Variants in ATR observed in about 807,000 individuals in gnomAD.
ATR encodes the protein ATR checkpoint kinase, also known as serine/threonine-protein kinase ATR.
In ATR, 142 loss-of-function variants were observed where a neutral mutation model predicts 305.3. The observed-to-expected ratio is 0.47, with a 90% CI of 0.41 to 0.53. The LOEUF (loss-of-function observed/expected upper bound fraction) is 0.53. Ranked by LOEUF, ATR falls within the 20% of genes least tolerant of loss-of-function variation. The pLI, the probability that ATR is intolerant of heterozygous loss-of-function variation, is 0.00. For synonymous variants in ATR, 1,050 were observed against 1,068.1 expected, an observed-to-expected ratio of 0.98 and a Z score of 0.33; for missense variants, 2,135 against 3,133.1, an observed-to-expected ratio of 0.68 and a Z score of 7.60.
chr3:142,506,664 G>T (rs1454816897), intron 28 of ATR, among the ~76,000 whole-genome samples: 1 of 152,158 alleles, frequency 6.6e-6, no homozygotes, highest in Non-Finnish European at 1.5e-5. Context: ...TCCAGCCTAG[G>T]TGATAGAGCA....
intron 1 of ATR, among the ~76,000 whole-genome samples, chr3:142,571,465 CAATA>C (rs72292987): frequency 0.32 from 45,896 of 142,796 alleles, 7,666 homozygotes; most frequent in Non-Finnish European, 0.37. Flanking sequence ...GACTCAGTCT[CAATA>C]AATAAATAAA....
chr3:142,462,978 C>G (rs1342142575), intron 41 of ATR, among the ~76,000 whole-genome samples: 2 of 152,048 alleles, frequency 1.3e-5, no homozygotes, highest in Non-Finnish European at 2.9e-5. Context: ...ATGAAGTAAG[C>G]ACACATCTGT....
At chr3:142,550,975 T>C (rs2034450880) in intron 13 of ATR, among the ~76,000 whole-genome samples, 1 of 152,068 alleles carries the variant, frequency 6.6e-6, no homozygotes, top group Non-Finnish European at 1.5e-5. Context: ...TTAGTAGACA[T>C]GGGGTTTCAC....
chr3:142,503,890 T>A (rs1205115287), intron 29 of ATR, among the ~76,000 whole-genome samples: 1 of 152,234 alleles, frequency 6.6e-6, no homozygotes, highest in African/African-American at 2.4e-5. Context: ...ATATAAAAAG[T>A]ATCTAATATC....
intron 36 of ATR, among the ~76,000 whole-genome samples, chr3:142,484,690 G>A (rs1027065921): frequency 1.3e-5 from 2 of 152,164 alleles, no homozygotes; most frequent in Admixed American, 1.3e-4. Flanking sequence ...GCCCAGACTT[G>A]CAACTAAGGG....
intron 45 of ATR, among the ~76,000 whole-genome samples, chr3:142,455,884 A>T (rs980692217): frequency 6.6e-6 from 1 of 152,264 alleles, no homozygotes; most frequent in Non-Finnish European, 1.5e-5. Flanking sequence ...AGAAAAAAAC[A>T]AATTAGACTG....
At chr3:142,539,314 T>C (rs926645752) in intron 18 of ATR, among the ~76,000 whole-genome samples, 1 of 152,046 alleles carries the variant, frequency 6.6e-6, no homozygotes, top group African/African-American at 2.4e-5. Flanking sequence ...AGGCAGGAAA[T>C]GTTCAAGATA....
At chr3:142,504,661 A>C (rs1453898136) in intron 29 of ATR, among the ~76,000 whole-genome samples, 1 of 151,920 alleles carries the variant, frequency 6.6e-6, no homozygotes, top group Non-Finnish European at 1.5e-5. Context: ...ACAGGGTTTC[A>C]CTATGTTGGC....
At chr3:142,520,303 G>A (rs2033091606) in intron 23 of ATR, among the ~76,000 whole-genome samples, 1 of 152,030 alleles carries the variant, frequency 6.6e-6, no homozygotes, top group South Asian at 2.1e-4. Context: ...TGACCCTACA[G>A]TGGCCTCTAA....
intron 13 of ATR, 143 bp from the exon 14 acceptor site, chr3:142,550,445 T>C (rs2034434152): frequency 3.5e-6 from 3 of 850,656 alleles, no homozygotes; most frequent in South Asian, 3.1e-5. Context: ...ACAACCTTAA[T>C]GAGGTAGACT....
intron 36 of ATR, among the ~76,000 whole-genome samples, chr3:142,478,138 A>G (rs2030047907): frequency 6.6e-6 from 1 of 152,020 alleles, no homozygotes; most frequent in African/African-American, 2.4e-5. Context: ...CCAGCTTTTG[A>G]ATGTGTTTGC....
At chr3:142,476,639 T>C (rs1048086996) in intron 36 of ATR, among the ~76,000 whole-genome samples, 5 of 151,992 alleles carry the variant, frequency 3.3e-5, no homozygotes, top group South Asian at 4.2e-4. Flanking sequence ...AGAAAGTCAT[T>C]GGTAGCTTGA....
At chr3:142,532,556 T>C (rs1348596917) in intron 21 of ATR, among the ~76,000 whole-genome samples, 4 of 152,204 alleles carry the variant, frequency 2.6e-5, no homozygotes, top group African/African-American at 4.8e-5. Flanking sequence ...ATCTCTTCAA[T>C]GTCAATGACT....
intron 1 of ATR, 28 bp from the exon 2 acceptor site, chr3:142,568,182 C>A: frequency 6.4e-7 from 1 of 1,563,194 alleles, no homozygotes; most frequent in East Asian, 2.2e-5. Context: ...AGCTTTTAAT[C>A]CTTAAAGTGA....
intron 24 of ATR, among the ~76,000 whole-genome samples, chr3:142,516,984 A>AATATATATAT (rs534243837): frequency 0.03 from 4,143 of 138,938 alleles, 230 homozygotes; most frequent in African/African-American, 0.11. Context: ...ATACCCAAAT[A>AATATATATAT]ATATATATAT....
intron 30 of ATR, among the ~76,000 whole-genome samples, chr3:142,502,963 T>C (rs1261424940): frequency 6.6e-6 from 1 of 152,210 alleles, no homozygotes; most frequent in Non-Finnish European, 1.5e-5. Context: ...TCATCAATCA[T>C]TTAGGGTAAA....
chr3:142,575,200 C>T, intron 1 of ATR, among the ~76,000 whole-genome samples: 1 of 152,168 alleles, frequency 6.6e-6, no homozygotes, highest in East Asian at 1.9e-4. Flanking sequence ...TGTGCTCCAG[C>T]CTTCTTACTA....
intron 8 of ATR, 26 bp from the exon 9 acceptor site, chr3:142,556,601 A>C (rs769199262): frequency 6.2e-7 from 1 of 1,602,918 alleles, no homozygotes; most frequent in East Asian, 2.2e-5. Context: ...CTATTAAACA[A>C]GATTTCTACT....
At position 142,561,231 on chromosome 3, in the gene ATR, A is replaced by C; in HGVS notation, c.1349+12T>G. ...TAATGGCTAAATACAAACTGAATGAAGGTCATCATACTCCTCAGTCTGTTT... is the reference window on the plus strand; with the variant it reads ...TAATGGCTAAATACAAACTGAATGACGGTCATCATACTCCTCAGTCTGTTT... On this transcript the variant is annotated intron_variant, in intron 5 of 46. Coordinates refer to ENST00000350721, the MANE Select transcript of ATR (RefSeq NM_001184.4). 6.2e-7 allele frequency: 1 copy of C among 1,611,152 alleles called. No individual in the cohort carries two copies. Among genetic ancestry groups the C allele is most frequent in the Non-Finnish European group, 8.5e-7 (1 of 1,177,378 alleles).
Sources: allele counts gnomAD v4.1 joint callset (sites outside exome capture counted in the v4.1 genomes callset), GRCh38; gene constraint gnomAD v4.1.1; transcripts MANE v1.5; gene names NCBI Gene and HGNC (gene_info 2026-07-23, HGNC 2026-07-21).